PRELID2: variants seen among roughly 807,000 people sequenced by gnomAD.
PRELID2 encodes the protein PRELI domain-containing protein 2.
Under a neutral mutation model 28.4 loss-of-function variants are expected in PRELID2, and 25 were observed. That is an observed-to-expected ratio of 0.88 (90% confidence interval 0.64 to 1.23). PRELID2 has a LOEUF of 1.23. PRELID2 is among the 50% of genes most tolerant of loss of function. The pLI, the probability that PRELID2 is intolerant of heterozygous loss-of-function variation, is 0.00. For synonymous variants in PRELID2, 76 were observed against 71.6 expected (o/e 1.06, Z -0.31); for missense variants, 201 against 214.4 (o/e 0.94, Z 0.39).
intron 1 of PRELID2, among the ~76,000 whole-genome samples, chr5:145,744,547 C>T (rs957343546): frequency 2.6e-5 from 4 of 152,114 alleles, no homozygotes; most frequent in South Asian, 4.1e-4. Flanking sequence ...CATCGCCAGG[C>T]GCGGTAGTGA....
the PRELID2 span, among the ~76,000 whole-genome samples, chr5:145,284,142 T>C: frequency 6.6e-6 from 1 of 152,224 alleles, no homozygotes; most frequent in African/African-American, 2.4e-5. Context: ...ATGTGTTTAT[T>C]CTGAGGATTA....
At chr5:145,435,303 G>A in the PRELID2 span, among the ~76,000 whole-genome samples, 2 of 152,142 alleles carry the variant, frequency 1.3e-5, no homozygotes, top group South Asian at 2.1e-4. Flanking sequence ...TGACACTTGA[G>A]CTGACTCATA....
At chr5:145,592,305 G>C (rs566133826) in intron 1 of PRELID2, among the ~76,000 whole-genome samples, 1 of 152,058 alleles carries the variant, frequency 6.6e-6, no homozygotes, top group Non-Finnish European at 1.5e-5. Flanking sequence ...TCTCTACTCG[G>C]GATGCTGAGG....
chr5:145,345,026 C>G, the PRELID2 span, among the ~76,000 whole-genome samples: 1 of 151,930 alleles, frequency 6.6e-6, no homozygotes, highest in East Asian at 1.9e-4. Context: ...TTTATTTTTA[C>G]CTGATAAAAA....
At position 145,758,628 on chromosome 5, in the gene PRELID2, A is replaced by G. The variant is rs547010844; in HGVS notation, c.*1908T>C. Among the ~76,000 whole-genome samples the G allele has an allele frequency of 1.3e-4, 20 of 152,230 alleles. No homozygotes were observed. Among genetic ancestry groups the G allele is most frequent in the African/African-American group, 4.6e-4 (19 of 41,552 alleles). On this transcript the variant is annotated 3_prime_UTR_variant, in exon 7 of 7. Transcript: ENST00000683046. The stretch of plus-strand genomic sequence containing the variant: ...CTTACTCTAATGTCAACCTCCAAAT[A>G]CAAATTTCTTGCCTCTCACTTCCAC...
chr5:145,236,512 A>T, the PRELID2 span, among the ~76,000 whole-genome samples: 2 of 152,164 alleles, frequency 1.3e-5, no homozygotes, highest in African/African-American at 4.8e-5. Context: ...AAACAAGGAC[A>T]TGCCAACTGT....
chr5:145,699,514 G>A (rs1343124455), intron 1 of PRELID2, among the ~76,000 whole-genome samples: 2 of 152,048 alleles, frequency 1.3e-5, no homozygotes, highest in Non-Finnish European at 2.9e-5. Context: ...GACTCCAGGG[G>A]CCAGAGCTTT....
the PRELID2 span, among the ~76,000 whole-genome samples, chr5:145,262,599 A>G: frequency 6.6e-6 from 1 of 152,164 alleles, no homozygotes; most frequent in Non-Finnish European, 1.5e-5. Context: ...AGCTTTATAA[A>G]TGAAGGAAAG....
At chr5:145,326,563 T>C in the PRELID2 span, among the ~76,000 whole-genome samples, 1 of 152,192 alleles carries the variant, frequency 6.6e-6, no homozygotes, top group Non-Finnish European at 1.5e-5. Flanking sequence ...AATAAAACAA[T>C]GTGGTATTGG....
intron 5 of PRELID2, among the ~76,000 whole-genome samples, chr5:145,785,332 G>T (rs2149801026): frequency 6.6e-6 from 1 of 152,286 alleles, no homozygotes; most frequent in East Asian, 1.9e-4. Context: ...TAAACATACA[G>T]ACAAAACTTT....
intron 1 of PRELID2, among the ~76,000 whole-genome samples, chr5:145,733,995 G>A (rs950021198): frequency 1.3e-5 from 2 of 152,186 alleles, no homozygotes; most frequent in Admixed American, 1.3e-4. Context: ...GACTGAAGAT[G>A]GAGGTAGGGG....
At position 145,818,095 on chromosome 5, in the gene PRELID2, AGCAG is replaced by A. The variant is rs753566887; in HGVS notation, c.208-45_208-42del. ...AAAATGGCTTTTTCAATTTAGGAAG[AGCAG>A]GCAACATAATGACTGCATCCAGAGT... On this transcript the variant is annotated intron_variant, in intron 3 of 6. Coordinates refer to ENST00000683046, the MANE Select transcript of PRELID2 (RefSeq NM_205846.3). The A allele has an allele frequency of 1.1e-5, 17 of 1,595,006 alleles. 1 individual carries two copies. The South Asian group carries it at 1.7e-4, about 16-fold the overall frequency.
intron 1 of PRELID2, among the ~76,000 whole-genome samples, chr5:145,654,308 C>T (rs1408157084): frequency 6.6e-6 from 1 of 152,192 alleles, no homozygotes; most frequent in East Asian, 1.9e-4. Flanking sequence ...CAGCCGAATT[C>T]TACCAGATGT....
intron 1 of PRELID2, among the ~76,000 whole-genome samples, chr5:145,619,396 G>A (rs901116581): frequency 3.9e-5 from 6 of 152,206 alleles, no homozygotes; most frequent in Non-Finnish European, 8.8e-5. Context: ...CTCTACCCCT[G>A]TATTTCACTC....
At chr5:145,509,379 C>A (rs139724569) in intron 1 of PRELID2, among the ~76,000 whole-genome samples, 1 of 152,318 alleles carries the variant, frequency 6.6e-6, no homozygotes, top group Non-Finnish European at 1.5e-5. Flanking sequence ...ATGCTCTCAA[C>A]TACTCTATGA....
chr5:145,455,932 C>T, the PRELID2 span, among the ~76,000 whole-genome samples: 1 of 152,138 alleles, frequency 6.6e-6, no homozygotes, highest in Non-Finnish European at 1.5e-5. Context: ...AGAAATTACT[C>T]GCCTTCTGTG....
rs545373123 is a variant in PRELID2, at chr5:145,543,529, T to C, written n.71-70214A>G. On this transcript the variant is annotated intron_variant and non_coding_transcript_variant, in intron 1 of 2. Transcript: ENST00000510259. ...CTTATTTGTTGCTGGTCAATGATTT[T>C]CATTGTCTTATTCAAATTTAAGTGA... Among the ~76,000 whole-genome samples the C allele has an allele frequency of 3.9e-5, 6 of 152,236 alleles. No individual in the cohort carries two copies. The South Asian group carries it at 1.0e-3, about 26-fold the overall frequency.
chr5:145,589,661 T>C (rs1401767072), intron 1 of PRELID2, among the ~76,000 whole-genome samples: 1 of 152,192 alleles, frequency 6.6e-6, no homozygotes, highest in Non-Finnish European at 1.5e-5. Context: ...TTTTCTGGCC[T>C]CATTGATTAG....
At chr5:145,696,139 T>C (rs1330313331) in intron 1 of PRELID2, among the ~76,000 whole-genome samples, 1 of 149,608 alleles carries the variant, frequency 6.7e-6, no homozygotes, top group Admixed American at 6.7e-5. Flanking sequence ...TGGCACATAG[T>C]GAGCAATAAA....
Sources: gnomAD v4.1 joint callset for allele counts (sites outside exome capture counted in the v4.1 genomes callset) on GRCh38, gnomAD v4.1.1 for gene constraint, MANE v1.5 for transcripts, NCBI Gene and HGNC (gene_info 2026-07-23, HGNC 2026-07-21) for gene names.